Variants in PARD3B observed in about 807,000 individuals in gnomAD.
PARD3B encodes the protein partitioning defective 3 homolog B.
Under a neutral mutation model 130.2 loss-of-function variants are expected in PARD3B, and 103 were observed. That is an observed-to-expected ratio of 0.79 (90% CI 0.67 to 0.93). The LOEUF (loss-of-function observed/expected upper bound fraction) is 0.93. PARD3B is among the 40% of genes least tolerant of loss of function. The pLI is 0.00. For synonymous variants in PARD3B, 583 were observed against 553.2 expected (o/e 1.05, Z -0.76); for missense variants, 1,609 against 1,499.2 (o/e 1.07, Z -1.21).
intron 20 of PARD3B, among the ~76,000 whole-genome samples, chr2:205,485,835 T>A (rs1164127498): frequency 6.6e-6 from 1 of 152,172 alleles, no homozygotes; most frequent in African/African-American, 2.4e-5. Flanking sequence ...TCTTTATCCT[T>A]GTCTCTTCTC....
intron 4 of PARD3B, among the ~76,000 whole-genome samples, chr2:205,102,144 C>T (rs1414648649): frequency 1.3e-5 from 2 of 152,074 alleles, no homozygotes; most frequent in African/African-American, 2.4e-5. Context: ...CTAGAACCGC[C>T]TAGCTAAGCT....
chr2:205,465,720 A>C (rs1349291784), intron 20 of PARD3B, among the ~76,000 whole-genome samples: 1 of 152,208 alleles, frequency 6.6e-6, no homozygotes, highest in African/African-American at 2.4e-5. Context: ...TTTTCTTAGC[A>C]AAAGCTAAGA....
At chr2:204,551,482 A>T (rs532252512) in intron 1 of PARD3B, among the ~76,000 whole-genome samples, 1 of 152,006 alleles carries the variant, frequency 6.6e-6, no homozygotes, top group Non-Finnish European at 1.5e-5. Context: ...GCCTTAATTC[A>T]TGGTTGCTAT....
chr2:205,465,482 C>G (rs571460963), intron 20 of PARD3B, among the ~76,000 whole-genome samples: 1 of 152,132 alleles, frequency 6.6e-6, no homozygotes, highest in Non-Finnish European at 1.5e-5. Context: ...CTATAAAACT[C>G]GATTTCATTA....
intron 2 of PARD3B, among the ~76,000 whole-genome samples, chr2:204,815,123 G>A (rs2043100471): frequency 6.6e-6 from 1 of 151,832 alleles, no homozygotes; most frequent in Admixed American, 6.6e-5. Context: ...AGTTGATGTA[G>A]AATTAATATC....
intron 16 of PARD3B, among the ~76,000 whole-genome samples, chr2:205,298,200 A>G (rs1042310449): frequency 2.6e-5 from 4 of 152,178 alleles, no homozygotes; most frequent in East Asian, 3.9e-4. Flanking sequence ...GGGCTTTCTC[A>G]GATAGTTTTC....
At chr2:204,696,733 G>T (rs909288374) in intron 2 of PARD3B, among the ~76,000 whole-genome samples, 3 of 152,054 alleles carry the variant, frequency 2.0e-5, no homozygotes, top group African/African-American at 4.8e-5. Flanking sequence ...TGTGAATATG[G>T]AAACTTCACT....
chr2:205,171,656 T>C (rs189343687), intron 11 of PARD3B, among the ~76,000 whole-genome samples: 1 of 152,350 alleles, frequency 6.6e-6, no homozygotes, highest in East Asian at 1.9e-4. Context: ...CTGTGTTCTT[T>C]GGCAGACGAG....
chr2:205,296,307 AG>A, intron 16 of PARD3B, among the ~76,000 whole-genome samples: 1 of 152,152 alleles, frequency 6.6e-6, no homozygotes, highest in African/African-American at 2.4e-5. Context: ...ACTACCCTCT[AG>A]ACAGTTTTAT....
intron 18 of PARD3B, among the ~76,000 whole-genome samples, chr2:205,339,747 TG>T (rs2043448170): frequency 6.6e-6 from 1 of 152,122 alleles, no homozygotes; most frequent in African/African-American, 2.4e-5. Context: ...CGCTATAAGT[TG>T]TGCTTTAAGA....
chr2:205,023,655 AC>A (rs1007550545), intron 3 of PARD3B, among the ~76,000 whole-genome samples: 11 of 149,464 alleles, frequency 7.4e-5, no homozygotes, highest in Non-Finnish European at 1.0e-4. Context: ...CCAATTCAAT[AC>A]TGCAGCCAGG....
intron 15 of PARD3B, among the ~76,000 whole-genome samples, chr2:205,197,033 GTGTGTGTGT>G (rs2036728868): frequency 3.3e-5 from 1 of 30,086 alleles, no homozygotes; most frequent in Non-Finnish European, 6.8e-5. Context: ...TGGGGGGGGG[GTGTGTGTGT>G]GTGTGTGTGT....
intron 2 of PARD3B, among the ~76,000 whole-genome samples, chr2:204,963,001 A>T (rs1388555850): frequency 6.6e-6 from 1 of 152,230 alleles, no homozygotes; most frequent in Non-Finnish European, 1.5e-5. Flanking sequence ...CACATTCTTT[A>T]GGGTATAACA....
chr2:204,918,954 C>T (rs933242861), intron 2 of PARD3B, among the ~76,000 whole-genome samples: 3 of 151,812 alleles, frequency 2.0e-5, no homozygotes, highest in Non-Finnish European at 4.4e-5. Context: ...TTAAAACTAA[C>T]ACTCAATACA....
chr2:205,146,976 A>G lies in PARD3B; in HGVS notation c.1435-11746A>G, dbSNP rs2033412243. ...AGTGTTCTGCCTGCCTTGGCCTCCC[A>G]AAGTCCTGGGATTACAAGCATGAGC... On this transcript the variant is annotated intron_variant, in intron 10 of 22. Coordinates refer to ENST00000406610, the MANE Select transcript of PARD3B (RefSeq NM_001302769.2). The surrounding 1 kb of genome is among the most constrained non-coding windows in gnomAD (Gnocchi z 4.3). Among the ~76,000 whole-genome samples, 1 of 152,088 alleles carries G rather than the reference A, an allele frequency of 6.6e-6. No individual in the cohort carries two copies. The highest frequency in any genetic ancestry group is 2.1e-4 in the South Asian group (1 of 4,826).
chr2:205,365,739 C>A (rs1386598633), intron 18 of PARD3B, among the ~76,000 whole-genome samples: 2 of 152,148 alleles, frequency 1.3e-5, no homozygotes, highest in East Asian at 3.9e-4. Context: ...GCATTCCAAG[C>A]ATAGCGTGTT....
chr2:205,255,972 CCTCTAGTCA>C (rs2040066071), intron 16 of PARD3B, among the ~76,000 whole-genome samples: 1 of 152,044 alleles, frequency 6.6e-6, no homozygotes, highest in African/African-American at 2.4e-5. Context: ...AAATTCCAAC[CCTCTAGTCA>C]CTTGGTTGAT....
chr2:205,489,497 G>GTA (rs1235536744), intron 20 of PARD3B, among the ~76,000 whole-genome samples: 140 of 60,752 alleles, frequency 2.3e-3, no homozygotes, highest in African/African-American at 4.9e-3. Context: ...ATATATGTGT[G>GTA]TATATATATA....
At chr2:205,567,967 C>T (rs540505595) in intron 22 of PARD3B, among the ~76,000 whole-genome samples, 1 of 152,292 alleles carries the variant, frequency 6.6e-6, no homozygotes, top group South Asian at 2.1e-4. Flanking sequence ...TGGGGGCAAG[C>T]ATGTTGAGGT....
Sources: allele counts gnomAD v4.1 joint callset (sites outside exome capture counted in the v4.1 genomes callset), GRCh38; gene constraint gnomAD v4.1.1; non-coding constraint Gnocchi (gnomAD v3.1); transcripts MANE v1.5; gene names NCBI Gene and HGNC (gene_info 2026-07-23, HGNC 2026-07-21).